Variants in ARL13B observed in about 807,000 individuals in gnomAD.
ARL13B encodes ADP-ribosylation factor-like protein 13B.
Under a neutral mutation model 56.1 loss-of-function variants are expected in ARL13B, and 36 were observed. The observed-to-expected ratio is 0.64, with a 90% CI of 0.49 to 0.85. The LOEUF is 0.85. ARL13B is among the 40% of genes least tolerant of loss of function. ARL13B has a pLI of 0.00. For synonymous variants in ARL13B, 178 were observed against 171.1 expected, an observed-to-expected ratio of 1.04 and a Z score of -0.32; for missense variants, 519 against 507.1, an observed-to-expected ratio of 1.02 and a Z score of -0.23.
Position 94,003,711 on chromosome 3 carries a change from A to T in ARL13B, c.183A>T (p.Arg61Ser). Reference sequence around the variant, plus strand: ...TTGGATTTTCAAAAATTAACCTTAGACAAGGAAAGTTTGAAGTCACCATCT... The same window carrying T: ...TTGGATTTTCAAAAATTAACCTTAGTCAAGGAAAGTTTGAAGTCACCATCT... ...PTVGFSKINL[R>S]QGKFEVTIFD... The change falls in exon 3 of 10, where the codon AGA becomes AGT. Residue 61 changes from arginine (R) to serine (S), a missense_variant. Physicochemically the swap from Arg to Ser is moderately radical, Grantham distance 110. Transcript: ENST00000394222. 6.2e-7 allele frequency: 1 copy of T among 1,613,610 alleles called. No individual in the cohort carries two copies. Among genetic ancestry groups the T allele is most frequent in the Non-Finnish European group, 8.5e-7 (1 of 1,179,656 alleles).
chr3:94,014,934 T>A (rs1358420095), intron 3 of ARL13B: 4 of 1,613,838 alleles, frequency 2.5e-6, no homozygotes, highest in Admixed American at 1.7e-5. Flanking sequence ...CTTCTTTAAC[T>A]AAATCATTCA....
Position 93,980,311 on chromosome 3 carries a change from C to A in ARL13B, c.-113C>A. The A allele has an allele frequency of 7.0e-7, 1 of 1,425,116 alleles. No homozygotes were observed. Among genetic ancestry groups the A allele is most frequent in the Non-Finnish European group, 9.8e-7 (1 of 1,022,552 alleles). 88.3% of individuals were successfully genotyped at this position (1,425,116 alleles called of 1,614,324 possible). ...CTTCACTTCCCTCCCGGCTTTTCCT[C>A]CCGACTTATCCACTTTAGGGGCGTC... On this transcript the variant is annotated 5_prime_UTR_variant, in exon 1 of 10. Coordinates refer to ENST00000394222, the MANE Select transcript of ARL13B (RefSeq NM_001174150.2).
intron 3 of ARL13B, among the ~76,000 whole-genome samples, chr3:94,023,872 A>T (rs1559993145): frequency 6.6e-6 from 1 of 152,186 alleles, no homozygotes; most frequent in Non-Finnish European, 1.5e-5. Flanking sequence ...ATCTAAAATA[A>T]TGTTGTTGTT....
chr3:94,029,847 G>A (rs1247478476), intron 3 of ARL13B, among the ~76,000 whole-genome samples: 1 of 152,096 alleles, frequency 6.6e-6, no homozygotes, highest in Non-Finnish European at 1.5e-5. Context: ...ATAGAAAATA[G>A]TGAAGATTTT....
At chr3:93,988,011 G>A (rs1710551403) in intron 1 of ARL13B, among the ~76,000 whole-genome samples, 1 of 152,020 alleles carries the variant, frequency 6.6e-6, no homozygotes, top group African/African-American at 2.4e-5. Context: ...TTTCTTAAGA[G>A]GATTATCAAG....
chr3:94,043,045 A>G lies in ARL13B; in HGVS notation c.829A>G (p.Asn277Asp). Reference sequence around the variant, plus strand: ...AGGAAAACTTGAAAGAGAGAAAAAAAACCAAAAAATGGAGAAAGACAGTGA... The same window carrying G: ...AGGAAAACTTGAAAGAGAGAAAAAAGACCAAAAAATGGAGAAAGACAGTGA... ...NEGKLEREKK[N>D]QKMEKDSDGC... Residue 277 changes from asparagine (N) to aspartate (D), a missense_variant, in exon 7 of 10, where the codon AAC becomes GAC. By Grantham distance (23) the Asn-to-Asp change is conservative (BLOSUM62 1). Transcript: ENST00000394222. 1 of 1,611,010 alleles carries G rather than the reference A, an allele frequency of 6.2e-7. No homozygotes were observed. Among genetic ancestry groups the G allele is most frequent in the Non-Finnish European group, 8.5e-7 (1 of 1,179,244 alleles).
intron 3 of ARL13B, among the ~76,000 whole-genome samples, chr3:94,026,490 T>C (rs540336218): frequency 1.3e-5 from 2 of 152,318 alleles, no homozygotes; most frequent in South Asian, 4.1e-4. Context: ...GTATATAAAT[T>C]ACATTTTCTA....
At chr3:94,009,068 G>A (rs774951348) in intron 3 of ARL13B, among the ~76,000 whole-genome samples, 5 of 140,900 alleles carry the variant, frequency 3.5e-5, no homozygotes, top group Non-Finnish European at 6.2e-5. Context: ...TCCTCAAGGA[G>A]CAGTAAAGAT....
rs1379627544 is a variant in ARL13B, at chr3:94,054,251, C to T, written c.*988C>T. 2.2e-6 allele frequency: 1 copy of T among 452,178 alleles called. No homozygotes were observed. The highest frequency in any genetic ancestry group is 2.0e-5 in the African/African-American group (1 of 49,968). 28.0% of individuals were successfully genotyped at this position (452,178 alleles called of 1,614,324 possible). A position where few individuals can be genotyped will look rare whatever the true frequency, so the allele number is the denominator to read the frequency against. On this transcript the variant is annotated 3_prime_UTR_variant, in exon 10 of 10. Transcript: ENST00000394222. Reference sequence around the variant, plus strand: ...GGAAAACCTACTGCAGGTCCAGAGACTTCTGTTTTACAACTGGGAAACAGC... The same window carrying T: ...GGAAAACCTACTGCAGGTCCAGAGATTTCTGTTTTACAACTGGGAAACAGC...
chr3:93,995,486 A>G (rs1398621440), intron 1 of ARL13B, among the ~76,000 whole-genome samples: 10 of 152,190 alleles, frequency 6.6e-5, no homozygotes, highest in Non-Finnish European at 1.3e-4. Context: ...ATGTACTTTC[A>G]TAAGATAAAC....
At chr3:94,014,308 G>A in intron 3 of ARL13B, 1 of 1,237,648 alleles carries the variant, frequency 8.1e-7, no homozygotes, top group Non-Finnish European at 1.1e-6. Context: ...TCCATGAGAT[G>A]GAGAAAAACA....
Position 93,980,726 on chromosome 3 carries a change from A to AGTGT in ARL13B, c.59+276_59+279dup, listed in dbSNP as rs35756044. On this transcript the variant is annotated intron_variant, in intron 1 of 9. Transcript: ENST00000394222. ...TTAAATAGGTTTGAATTTGTTAAAAAGTGTGTGTGTGTGTGTGTGTGTGTG... is the reference window on the plus strand; with the variant it reads ...TTAAATAGGTTTGAATTTGTTAAAAAGTGTGTGTGTGTGTGTGTGTGTGTGTGTG... Among the ~76,000 whole-genome samples, 2,787 of 147,034 alleles carry AGTGT rather than the reference A, an allele frequency of 0.019. 37 individuals carry two copies. Among genetic ancestry groups the AGTGT allele is most frequent in the African/African-American group, 0.034 (1,380 of 40,230 alleles).
chr3:94,021,421 C>G (rs1186523964), intron 3 of ARL13B, among the ~76,000 whole-genome samples: 1 of 152,030 alleles, frequency 6.6e-6, no homozygotes, highest in East Asian at 1.9e-4. Flanking sequence ...TCTTGAACTC[C>G]TGACCTCAAG....
At chr3:94,033,920 T>G (rs2076720857) in intron 3 of ARL13B, among the ~76,000 whole-genome samples, 1 of 152,162 alleles carries the variant, frequency 6.6e-6, no homozygotes, top group African/African-American at 2.4e-5. Context: ...ACATGGGAAT[T>G]CTAAAGAAAA....
At chr3:93,984,972 T>G (rs1367860332) in intron 1 of ARL13B, among the ~76,000 whole-genome samples, 3 of 152,166 alleles carry the variant, frequency 2.0e-5, no homozygotes, top group African/African-American at 7.2e-5. Flanking sequence ...GTTGCCCCAC[T>G]GCAGCCTAGC....
intron 2 of ARL13B, among the ~76,000 whole-genome samples, chr3:93,997,719 C>T (rs548882143): frequency 6.6e-6 from 1 of 152,302 alleles, no homozygotes; most frequent in Non-Finnish European, 1.5e-5. Context: ...CACGGTGGCT[C>T]ACACCTGTAA....
intron 3 of ARL13B, among the ~76,000 whole-genome samples, chr3:94,017,577 T>TATA (rs1425630537): frequency 6.6e-6 from 1 of 152,246 alleles, no homozygotes; most frequent in African/African-American, 2.4e-5. Context: ...CTTATATGTA[T>TATA]ATAAGTTTTA....
chr3:94,031,877 G>T (rs1389692853), intron 3 of ARL13B, among the ~76,000 whole-genome samples: 1 of 152,162 alleles, frequency 6.6e-6, no homozygotes, highest in East Asian at 1.9e-4. Context: ...ATTGCCATAT[G>T]CAGAAGAATG....
At chr3:94,015,623 G>A (rs1280980779) in intron 3 of ARL13B, among the ~76,000 whole-genome samples, 1 of 151,990 alleles carries the variant, frequency 6.6e-6, no homozygotes, top group Non-Finnish European at 1.5e-5. Flanking sequence ...CAACCTATAG[G>A]ATTAGTCTTC....
Sources: gnomAD v4.1 joint callset for allele counts (sites outside exome capture counted in the v4.1 genomes callset) on GRCh38, gnomAD v4.1.1 for gene constraint, MANE v1.5 for transcripts, NCBI Gene and HGNC (gene_info 2026-07-23, HGNC 2026-07-21) for gene names.